ATP11A: variants seen among roughly 807,000 people sequenced by gnomAD.
ATP11A encodes phospholipid-transporting ATPase IH.
A neutral mutation model predicts 154.4 loss-of-function variants in ATP11A; 81 were observed. The observed-to-expected ratio is 0.52, with a 90% CI of 0.44 to 0.63. The LOEUF (loss-of-function observed/expected upper bound fraction) is 0.63, where lower values mean the gene tolerates loss of function less well. Among genes scored for constraint, ATP11A ranks in the 30% least tolerant of loss-of-function variants. The pLI is 0.00. For missense variants in ATP11A, 1,316 were observed against 1,474.3 expected (o/e 0.89, Z 1.76); for synonymous variants, 623 against 585.9 (o/e 1.06, Z -0.91).
intron 1 of ATP11A, among the ~76,000 whole-genome samples, chr13:112,734,334 G>C (rs1377934270): frequency 6.6e-6 from 1 of 152,158 alleles, no homozygotes; most frequent in East Asian, 1.9e-4. Flanking sequence ...GGCCTTTCCT[G>C]CAACTTGGTT....
At chr13:112,778,228 G>A (rs887406246) in intron 1 of ATP11A, among the ~76,000 whole-genome samples, 3 of 152,224 alleles carry the variant, frequency 2.0e-5, no homozygotes, top group Non-Finnish European at 4.4e-5. Context: ...CAGCCTCCAC[G>A]TGCCTCTCAT....
intron 2 of ATP11A, among the ~76,000 whole-genome samples, chr13:112,802,599 G>T (rs1364798169): frequency 6.8e-6 from 1 of 146,738 alleles, no homozygotes; most frequent in East Asian, 2.0e-4. Flanking sequence ...TCTAGACAGT[G>T]ATCACACACC....
intron 1 of ATP11A, among the ~76,000 whole-genome samples, chr13:112,768,865 G>A (rs537917172): frequency 9.8e-5 from 15 of 152,306 alleles, no homozygotes; most frequent in African/African-American, 2.4e-4. Flanking sequence ...GGTTTCGCCC[G>A]GTCCTCAGGG....
intron 1 of ATP11A, among the ~76,000 whole-genome samples, chr13:112,727,134 G>A (rs960947980): frequency 2.0e-5 from 3 of 152,176 alleles, no homozygotes; most frequent in South Asian, 2.1e-4. Flanking sequence ...TGCAATCTCC[G>A]CCTCCCAGGG....
rs746971029 is a variant in ATP11A, at chr13:112,851,168, G to A, written c.1941G>A (p.Glu647=). ...DREKKLAEAY[E]QIEKDLTLLG... ...AGAAAAAGTTAGCAGAAGCCTATGA[G>A]CAAATAGAGAAAGATCTTACTCTGC... The change falls in exon 18 of 30, where the codon GAG becomes GAA. Residue 647 remains glutamate, a synonymous_variant. Coordinates refer to ENST00000375645, the MANE Select transcript of ATP11A (RefSeq NM_015205.3). 14 of 1,614,182 alleles carry A rather than the reference G, an allele frequency of 8.7e-6. No individual in the cohort carries two copies. In the African/African-American group the frequency reaches 1.7e-4, roughly 20 times the overall value.
intron 1 of ATP11A, among the ~76,000 whole-genome samples, chr13:112,709,920 A>G (rs974275495): frequency 6.6e-6 from 1 of 152,264 alleles, no homozygotes; most frequent in Non-Finnish European, 1.5e-5. Flanking sequence ...GGCATAGCCC[A>G]GTTAGGCCGC....
intron 1 of ATP11A, among the ~76,000 whole-genome samples, chr13:112,739,978 G>A (rs1045607416): frequency 1.3e-5 from 2 of 152,066 alleles, no homozygotes; most frequent in Non-Finnish European, 2.9e-5. Context: ...TGGGGGAGGG[G>A]GCGTGGGAGC....
intron 2 of ATP11A, among the ~76,000 whole-genome samples, chr13:112,791,381 G>A (rs2077851782): frequency 6.6e-6 from 1 of 152,254 alleles, no homozygotes; most frequent in Non-Finnish European, 1.5e-5. Flanking sequence ...CCTTCCTGGG[G>A]CGGAGCTCGC....
chr13:112,753,954 G>A lies in ATP11A; in HGVS notation c.40-31181G>A, dbSNP rs779761929. Among the ~76,000 whole-genome samples the A allele has an allele frequency of 4.6e-5, 7 of 152,212 alleles. No homozygotes were observed. The highest frequency in any genetic ancestry group is 3.9e-4 in the East Asian group (2 of 5,192). On this transcript the variant is annotated intron_variant, in intron 1 of 29. Transcript: ENST00000375645. This position sits in a 1 kb window ranked among gnomAD's most constrained non-coding sequence, Gnocchi z 4.1. ...CTGGGGCATCATTTGAGCTCATTAC[G>A]TGGACACCGCTGCCTCTGAAGCTGG... is the stretch of plus-strand genomic sequence containing the variant.
intron 1 of ATP11A, among the ~76,000 whole-genome samples, chr13:112,716,765 GT>G (rs1220060866): frequency 1.3e-5 from 2 of 152,250 alleles, no homozygotes; most frequent in Admixed American, 1.3e-4. Flanking sequence ...CTCTGCGTGA[GT>G]GGGGCAGTGG....
At chr13:112,867,240 A>T (rs990597246) in intron 25 of ATP11A, among the ~76,000 whole-genome samples, 2 of 152,364 alleles carry the variant, frequency 1.3e-5, no homozygotes, top group South Asian at 2.1e-4. Flanking sequence ...GTGAAAGCTG[A>T]GGAAAGAGAA....
At chr13:112,861,992 T>TCAGGCGTAATGTGTCACAG (rs2080117597) in intron 24 of ATP11A, among the ~76,000 whole-genome samples, 1 of 150,580 alleles carries the variant, frequency 6.6e-6, no homozygotes, top group African/African-American at 2.4e-5. Context: ...AGGTGTCACG[T>TCAGGCGTAATGTGTCACAG]CAGGCGTAAG....
intron 8 of ATP11A, among the ~76,000 whole-genome samples, chr13:112,821,524 A>G (rs1018061396): frequency 6.6e-6 from 1 of 152,136 alleles, no homozygotes; most frequent in African/African-American, 2.4e-5. Flanking sequence ...ATGTCGGTCA[A>G]GCTAGTCTCA....
At chr13:112,757,855 C>G (rs983593000) in intron 1 of ATP11A, among the ~76,000 whole-genome samples, 2 of 152,180 alleles carry the variant, frequency 1.3e-5, no homozygotes, top group Non-Finnish European at 2.9e-5. Context: ...CATGTGTGTG[C>G]GGCAGAAAGG....
Position 112,806,232 on chromosome 13 carries a change from C to G in ATP11A, c.272C>G (p.Thr91Arg), listed in dbSNP as rs1461627591. 1.2e-6 allele frequency: 2 copies of G among 1,613,174 alleles called. No individual in the cohort carries two copies. The highest frequency in any genetic ancestry group is 1.7e-6 in the Non-Finnish European group (2 of 1,179,490). ...FLVQLIIDTP[T>R]SPVTSGLPLF... is the part of the protein sequence containing the mutation. ...CTGCAGTTGATTATTGATACACCCA[C>G]AAGTCCAGTGACAAGCGGACTTCCA... The change falls in exon 4 of 30, where the codon ACA (threonine) becomes AGA (arginine). Residue 91 changes from threonine to arginine, a missense_variant. Thr to Arg is a moderately conservative substitution (Grantham distance 71). Around this residue, in one of 5 missense-constraint regions of ATP11A, gnomAD observed 4 missense variants for 16.9 expected, o/e 0.24. Coordinates refer to ENST00000375645, the MANE Select transcript of ATP11A (RefSeq NM_015205.3).
At chr13:112,726,816 G>T (rs961391897) in intron 1 of ATP11A, among the ~76,000 whole-genome samples, 4 of 152,172 alleles carry the variant, frequency 2.6e-5, no homozygotes, top group African/African-American at 9.6e-5. Context: ...CATGAGAAAG[G>T]TACAAGCAGA....
rs529533560 is a variant in ATP11A at position 112,717,064 on chromosome 13, A to G, written c.39+26609A>G. 2.0e-5 allele frequency among the ~76,000 whole-genome samples: 3 copies of G among 152,280 alleles called. No homozygotes were observed. The South Asian group carries it at 6.2e-4, about 32-fold the overall frequency. On this transcript the variant is annotated intron_variant, in intron 1 of 29. Transcript: ENST00000375645. Reference sequence around the variant, plus strand: ...GTGGGGGACACGAGTATGTTCTGAAATGAGGGGGAGGCTTCTGTTGTGACC... The same window carrying G: ...GTGGGGGACACGAGTATGTTCTGAAGTGAGGGGGAGGCTTCTGTTGTGACC...
At chr13:112,862,390 C>T (rs1457726118) in intron 24 of ATP11A, 50 bp from the exon 25 acceptor site, 1 of 1,606,470 alleles carries the variant, frequency 6.2e-7, no homozygotes, top group Admixed American at 1.7e-5. Context: ...GGGGGAGGTG[C>T]CGGGCCCTGA....
chr13:112,709,697 GA>G (rs1479397177), intron 1 of ATP11A, among the ~76,000 whole-genome samples: 1 of 143,426 alleles, frequency 7.0e-6, no homozygotes, highest in Non-Finnish European at 1.5e-5. Context: ...TCGCCTTTCT[GA>G]ACCAAACCAA....
Sources: allele counts gnomAD v4.1 joint callset (sites outside exome capture counted in the v4.1 genomes callset), GRCh38; gene constraint gnomAD v4.1.1; regional missense constraint gnomAD v4.1.1; non-coding constraint Gnocchi (gnomAD v3.1); transcripts MANE v1.5; gene names NCBI Gene and HGNC (gene_info 2026-07-23, HGNC 2026-07-21).